TMEM132B: variants seen among roughly 807,000 people sequenced by gnomAD.
TMEM132B encodes transmembrane protein 132B.
In TMEM132B, 18 loss-of-function variants were observed where a neutral mutation model predicts 90.8. The ratio of observed to expected loss-of-function variants is 0.20; its 90% CI spans 0.14 to 0.29. The LOEUF (loss-of-function observed/expected upper bound fraction) is 0.29. TMEM132B is among the 10% of genes least tolerant of loss of function. The pLI, the probability that TMEM132B is intolerant of heterozygous loss-of-function variation, is 1.00. For synonymous variants in TMEM132B, 504 were observed against 523.3 expected, an observed-to-expected ratio of 0.96 and a Z score of 0.50; for missense variants, 1,096 against 1,326.8, an observed-to-expected ratio of 0.83 and a Z score of 2.70.
At chr12:125,425,888 G>T (rs890045077) in intron 3 of TMEM132B, among the ~76,000 whole-genome samples, 5 of 152,178 alleles carry the variant, frequency 3.3e-5, no homozygotes, top group African/African-American at 7.2e-5. Flanking sequence ...TAGCAATTAT[G>T]ATTAATGCTA....
rs375368330 is a variant in TMEM132B at position 125,401,356 on chromosome 12, G to C, written c.960-14175G>C. On this transcript the variant is annotated intron_variant, in intron 2 of 8. Transcript: ENST00000682704. ...TGGGAGAGACAGATAATAAACAAGG[G>C]AAGCAAAGTGTATATTGGGTACGGT... Among the ~76,000 whole-genome samples, 17 of 152,308 alleles carry C rather than the reference G, an allele frequency of 1.1e-4. No homozygotes were observed. The East Asian group carries it at 2.3e-3, about 21-fold the overall frequency.
At chr12:125,590,581 G>A (rs1449006259) in intron 5 of TMEM132B, among the ~76,000 whole-genome samples, 4 of 152,160 alleles carry the variant, frequency 2.6e-5, no homozygotes, top group Admixed American at 6.5e-5. Flanking sequence ...TATCCAAATC[G>A]TCTTTTGTTC....
At chr12:125,497,203 C>T (rs916019417) in intron 3 of TMEM132B, among the ~76,000 whole-genome samples, 21 of 152,240 alleles carry the variant, frequency 1.4e-4, no homozygotes, top group African/African-American at 5.1e-4. Flanking sequence ...ACTTGCCAAG[C>T]AGTACTTTAA....
At position 125,658,297 on chromosome 12, in the gene TMEM132B, G is replaced by A. The variant is rs538020082; in HGVS notation, c.*3587G>A. On this transcript the variant is annotated 3_prime_UTR_variant, in exon 9 of 9. Transcript: ENST00000682704. ...AGAATGTCCACCTTTGTGCATTTTG[G>A]TAGCATTCTTGTTTCATTATTTTAG... 3 of 152,268 alleles carry A rather than the reference G, an allele frequency of 2.0e-5. No homozygotes were observed. Among genetic ancestry groups the A allele is most frequent in the East Asian group, 1.9e-4 (1 of 5,186 alleles). 9.4% of individuals were successfully genotyped at this position (152,268 alleles called of 1,614,324 possible).
intron 1 of TMEM132B, among the ~76,000 whole-genome samples, chr12:125,192,697 C>T (rs1055522665): frequency 7.9e-5 from 12 of 152,190 alleles, no homozygotes; most frequent in Non-Finnish European, 8.8e-5. Flanking sequence ...CGGCCTGCTT[C>T]GGCAGGAGGG....
At chr12:125,357,636 A>G (rs822412) in intron 2 of TMEM132B, among the ~76,000 whole-genome samples, 108,624 of 152,176 alleles carry the variant, frequency 0.71, 39,125 homozygotes, top group East Asian at 0.86. Context: ...CCTGCCGAAG[A>G]CCGGGGACCT....
At chr12:125,591,001 G>T (rs1283590572) in intron 5 of TMEM132B, among the ~76,000 whole-genome samples, 1 of 152,012 alleles carries the variant, frequency 6.6e-6, no homozygotes, top group Non-Finnish European at 1.5e-5. Context: ...AGGGCATTGT[G>T]TGTACGCATG....
intron 1 of TMEM132B, among the ~76,000 whole-genome samples, chr12:125,293,693 C>T (rs921532208): frequency 2.6e-5 from 4 of 152,084 alleles, no homozygotes; most frequent in Non-Finnish European, 4.4e-5. Flanking sequence ...TTATCCAGTC[C>T]ACCACTAATG....
intron 5 of TMEM132B, chr12:125,586,353 A>G (rs927564546): frequency 6.6e-6 from 1 of 152,218 alleles, no homozygotes; most frequent in Non-Finnish European, 1.5e-5. Flanking sequence ...CAGAGGACAT[A>G]CATGATTTTG....
At chr12:125,322,289 G>A (rs1435732230) in intron 1 of TMEM132B, among the ~76,000 whole-genome samples, 1 of 152,236 alleles carries the variant, frequency 6.6e-6, no homozygotes, top group African/African-American at 2.4e-5. Context: ...TGTAAGATGT[G>A]CCTTTGTTCC....
chr12:125,304,004 C>T (rs1875895627), intron 1 of TMEM132B, among the ~76,000 whole-genome samples: 1 of 152,218 alleles, frequency 6.6e-6, no homozygotes, highest in African/African-American at 2.4e-5. Context: ...GGACTGGTTT[C>T]ATGGAAGATA....
chr12:125,574,782 C>T (rs973556488), intron 4 of TMEM132B, among the ~76,000 whole-genome samples: 1 of 151,644 alleles, frequency 6.6e-6, no homozygotes, highest in Admixed American at 6.6e-5. Flanking sequence ...TTCTCATTGG[C>T]AAAATTGTTG....
chr12:125,413,574 T>C (rs1879918451), intron 2 of TMEM132B, among the ~76,000 whole-genome samples: 1 of 152,244 alleles, frequency 6.6e-6, no homozygotes, highest in Non-Finnish European at 1.5e-5. Flanking sequence ...TTCTGAATGT[T>C]TCATCTGAAT....
rs149075439 is a variant in TMEM132B at position 125,415,486 on chromosome 12, A to T, written c.960-45A>T. On this transcript the variant is annotated intron_variant, in intron 2 of 8. Coordinates refer to ENST00000682704, the MANE Select transcript of TMEM132B (RefSeq NM_001366854.1). The surrounding 1 kb of genome is among the most constrained non-coding windows in gnomAD (Gnocchi z 5.3). ...ATCTTTTACTACCTGTTTCAAACTA[A>T]AATGGTTTTATTATATATAATATCA... 2 of 1,600,122 alleles carry T rather than the reference A, an allele frequency of 1.2e-6. No homozygotes were observed. Among genetic ancestry groups the T allele is most frequent in the Middle Eastern group, 1.7e-4 (1 of 5,982 alleles).
intron 1 of TMEM132B, among the ~76,000 whole-genome samples, chr12:125,276,991 C>A (rs555653205): frequency 1.3e-5 from 2 of 152,116 alleles, no homozygotes; most frequent in African/African-American, 2.4e-5. Flanking sequence ...GTAGAGGTTG[C>A]GAGTCAGAAG....
intron 5 of TMEM132B, among the ~76,000 whole-genome samples, chr12:125,639,604 T>C (rs1886577591): frequency 6.6e-6 from 1 of 152,192 alleles, no homozygotes; most frequent in South Asian, 2.1e-4. Flanking sequence ...GAGTGGTAAT[T>C]ATTGTGAAGA....
intron 1 of TMEM132B, among the ~76,000 whole-genome samples, chr12:125,203,781 G>A (rs1351092177): frequency 6.6e-6 from 1 of 152,172 alleles, no homozygotes; most frequent in African/African-American, 2.4e-5. Flanking sequence ...TAGGTTGGCA[G>A]ACATGGATGG....
chr12:125,479,626 C>A (rs1238111420), intron 3 of TMEM132B, among the ~76,000 whole-genome samples: 1 of 152,096 alleles, frequency 6.6e-6, no homozygotes, highest in Non-Finnish European at 1.5e-5. Context: ...TCCTGAGAGA[C>A]CTAAAAAGAG....
chr12:125,653,811 G>C lies in TMEM132B; in HGVS notation c.2353G>C (p.Val785Leu). ...GACCAAGAGGAAGAGTGTTCTTGCCGTGGGTAAAGGAAATGTCAAGGTCAA... is the reference window on the plus strand; with the variant it reads ...GACCAAGAGGAAGAGTGTTCTTGCCCTGGGTAAAGGAAATGTCAAGGTCAA... The part of the protein sequence containing the change: ...QKTKRKSVLA[V>L]GKGNVKVKFE... Residue 785 changes from valine (V) to leucine (L), a missense_variant, in exon 9 of 9, where the codon GTG becomes CTG. Coordinates refer to ENST00000682704, the MANE Select transcript of TMEM132B (RefSeq NM_001366854.1). 1 of 1,614,180 alleles carries C rather than the reference G, an allele frequency of 6.2e-7. No homozygotes were observed. The highest frequency in any genetic ancestry group is 8.5e-7 in the Non-Finnish European group (1 of 1,180,034).
Sources: allele counts gnomAD v4.1 joint callset (sites outside exome capture counted in the v4.1 genomes callset), GRCh38; gene constraint gnomAD v4.1.1; non-coding constraint Gnocchi (gnomAD v3.1); transcripts MANE v1.5; gene names NCBI Gene and HGNC (gene_info 2026-07-23, HGNC 2026-07-21).